Variants in XYLT1 observed in about 807,000 individuals in gnomAD.
The protein encoded by XYLT1 is beta-D-xylosyltransferase 1.
Under a neutral mutation model 91.3 loss-of-function variants are expected in XYLT1, and 36 were observed. The observed-to-expected ratio is 0.39, with a 90% CI of 0.30 to 0.52. XYLT1 has a LOEUF of 0.52. Ranked by LOEUF, XYLT1 falls within the 20% of genes least tolerant of loss-of-function variation. The pLI is 0.68. For missense variants in XYLT1, 1,242 were observed against 1,284.5 expected, an observed-to-expected ratio of 0.97 and a Z score of 0.51; for synonymous variants, 588 against 532.0, an observed-to-expected ratio of 1.11 and a Z score of -1.45.
At chr16:17,466,363 G>A (rs1382468483) in intron 1 of XYLT1, among the ~76,000 whole-genome samples, 5 of 152,148 alleles carry the variant, frequency 3.3e-5, no homozygotes, top group Admixed American at 1.3e-4. Flanking sequence ...ATCATAAACA[G>A]CTCTGGAGCG....
chr16:17,196,805 A>G (rs2032434843), intron 5 of XYLT1, among the ~76,000 whole-genome samples: 1 of 151,936 alleles, frequency 6.6e-6, no homozygotes, highest in African/African-American at 2.4e-5. Context: ...ACGATGGCTC[A>G]CACCTATAAT....
At chr16:17,438,445 G>C (rs2036488494) in intron 1 of XYLT1, among the ~76,000 whole-genome samples, 1 of 152,082 alleles carries the variant, frequency 6.6e-6, no homozygotes, top group Non-Finnish European at 1.5e-5. Context: ...ATGTTAAGTG[G>C]AGGCCAGATT....
Position 17,373,297 on chromosome 16 carries a change from A to G in XYLT1, c.364-15247T>C, listed in dbSNP as rs545088653. Among the ~76,000 whole-genome samples, 10 of 152,326 alleles carry G rather than the reference A, an allele frequency of 6.6e-5. No homozygotes were observed. The South Asian group carries it at 8.3e-4, about 13-fold the overall frequency. On this transcript the variant is annotated intron_variant, in intron 1 of 11. Coordinates refer to ENST00000261381, the MANE Select transcript of XYLT1 (RefSeq NM_022166.4). ...TGAGAAACCAGTAATCAGCGTCTAC[A>G]GTGCTCGGGCCACTGACGTTCATCA...
chr16:17,157,680 C>G (rs533081306), intron 6 of XYLT1, among the ~76,000 whole-genome samples: 29 of 152,320 alleles, frequency 1.9e-4, no homozygotes, highest in African/African-American at 6.7e-4. Flanking sequence ...CAAGCACTGC[C>G]AGGTTCAATG....
intron 2 of XYLT1, among the ~76,000 whole-genome samples, chr16:17,344,894 T>C (rs1036458739): frequency 2.0e-5 from 3 of 151,972 alleles, no homozygotes; most frequent in Non-Finnish European, 4.4e-5. Context: ...AGAGACGGTG[T>C]TTCACCATGT....
chr16:17,263,782 C>T (rs1291884772), intron 2 of XYLT1, among the ~76,000 whole-genome samples: 1 of 152,090 alleles, frequency 6.6e-6, no homozygotes, highest in Non-Finnish European at 1.5e-5. Flanking sequence ...CATCTTGGCT[C>T]ACTGTAACCT....
chr16:17,420,206 C>T (rs1178227965), intron 1 of XYLT1, among the ~76,000 whole-genome samples: 1 of 152,146 alleles, frequency 6.6e-6, no homozygotes, highest in African/African-American at 2.4e-5. Context: ...TGTGCCCAAA[C>T]CCTAGGTAAT....
chr16:17,346,096 C>T (rs1421799809), intron 2 of XYLT1, among the ~76,000 whole-genome samples: 1 of 152,186 alleles, frequency 6.6e-6, no homozygotes, highest in East Asian at 1.9e-4. Flanking sequence ...CAGGCGTGAG[C>T]CACCGAGCCC....
chr16:17,418,296 CA>C (rs2036205605), intron 1 of XYLT1, among the ~76,000 whole-genome samples: 1 of 152,190 alleles, frequency 6.6e-6, no homozygotes, highest in Non-Finnish European at 1.5e-5. Context: ...ATGGATTAGA[CA>C]AAGAATGTAG....
At chr16:17,403,848 C>A (rs1479230303) in intron 1 of XYLT1, among the ~76,000 whole-genome samples, 1 of 152,216 alleles carries the variant, frequency 6.6e-6, no homozygotes, top group African/African-American at 2.4e-5. Context: ...CACAATTCTC[C>A]ATTGAGAGCC....
intron 1 of XYLT1, among the ~76,000 whole-genome samples, chr16:17,458,145 C>T (rs954501188): frequency 2.6e-5 from 4 of 152,276 alleles, no homozygotes; most frequent in Admixed American, 1.3e-4. Flanking sequence ...CTTGGGCTCC[C>T]GGCTTTTATT....
chr16:17,251,921 G>T (rs1381867036), intron 3 of XYLT1, among the ~76,000 whole-genome samples: 2 of 151,942 alleles, frequency 1.3e-5, no homozygotes, highest in African/African-American at 4.8e-5. Context: ...GGGTGAGTGG[G>T]AGTTGTGGGG....
At chr16:17,171,914 A>G (rs2031828166) in intron 5 of XYLT1, among the ~76,000 whole-genome samples, 1 of 152,228 alleles carries the variant, frequency 6.6e-6, no homozygotes, top group Non-Finnish European at 1.5e-5. Flanking sequence ...TTAGGAGAGG[A>G]AGGAGGCTGG....
chr16:17,242,390 C>A (rs1188882252), intron 3 of XYLT1, among the ~76,000 whole-genome samples: 1 of 152,170 alleles, frequency 6.6e-6, no homozygotes, highest in African/African-American at 2.4e-5. Flanking sequence ...TTGTCAATCC[C>A]TATGTTAAAG....
intron 5 of XYLT1, among the ~76,000 whole-genome samples, chr16:17,168,609 T>A (rs1458206390): frequency 6.6e-6 from 1 of 151,884 alleles, no homozygotes; most frequent in Non-Finnish European, 1.5e-5. Flanking sequence ...CTTTTTTTTT[T>A]AAAGTTTAAA....
At chr16:17,166,030 T>C (rs1257822076) in intron 5 of XYLT1, among the ~76,000 whole-genome samples, 2 of 152,162 alleles carry the variant, frequency 1.3e-5, no homozygotes, top group African/African-American at 4.8e-5. Context: ...GTGATGGAGT[T>C]GGGATGTCTT....
intron 1 of XYLT1, among the ~76,000 whole-genome samples, chr16:17,370,055 G>C (rs2035510561): frequency 6.6e-6 from 1 of 152,186 alleles, no homozygotes; most frequent in Non-Finnish European, 1.5e-5. Flanking sequence ...CCCCAGCTGT[G>C]GGGGAAGGGA....
At chr16:17,161,444 T>C (rs934672219) in intron 5 of XYLT1, among the ~76,000 whole-genome samples, 1 of 152,042 alleles carries the variant, frequency 6.6e-6, no homozygotes, top group Non-Finnish European at 1.5e-5. Context: ...CCTACCCCCC[T>C]TGCTAGGGTC....
chr16:17,278,308 T>A (rs1406087711), intron 2 of XYLT1, among the ~76,000 whole-genome samples: 1 of 152,068 alleles, frequency 6.6e-6, no homozygotes, highest in Non-Finnish European at 1.5e-5. Context: ...GCTCTTTCTG[T>A]GAAATTTGCA....
Sources: gnomAD v4.1 joint callset for allele counts (sites outside exome capture counted in the v4.1 genomes callset) on GRCh38, gnomAD v4.1.1 for gene constraint, MANE v1.5 for transcripts, NCBI Gene and HGNC (gene_info 2026-07-23, HGNC 2026-07-21) for gene names.